Variants in ADAMTS2 observed in about 807,000 individuals in gnomAD.
ADAMTS2 encodes ADAM metallopeptidase with thrombospondin type 1 motif 2, also known as A disintegrin and metalloproteinase with thrombospondin motifs 2.
In ADAMTS2, 50 loss-of-function variants were observed where a neutral mutation model predicts 123.0. The observed-to-expected ratio is 0.41, with a 90% CI of 0.32 to 0.51. ADAMTS2 has a LOEUF of 0.51. Ranked by LOEUF, ADAMTS2 falls within the 20% of genes least tolerant of loss-of-function variation. ADAMTS2 has a pLI of 0.35. For missense variants in ADAMTS2, 1,494 were observed against 1,705.2 expected, an observed-to-expected ratio of 0.88 and a Z score of 2.18; for synonymous variants, 678 against 695.4, an observed-to-expected ratio of 0.98 and a Z score of 0.39.
chr5:179,120,390 A>G (rs1762730738), intron 21 of ADAMTS2: 1 of 152,266 alleles, frequency 6.6e-6, no homozygotes, highest in Admixed American at 6.5e-5. Flanking sequence ...CAAAGTGCAT[A>G]TGCCCAGGAC....
intron 3 of ADAMTS2, among the ~76,000 whole-genome samples, chr5:179,253,111 T>G (rs1420996680): frequency 6.6e-6 from 1 of 152,196 alleles, no homozygotes; most frequent in Non-Finnish European, 1.5e-5. Context: ...ATACTTTACT[T>G]TCCACTTTTT....
intron 2 of ADAMTS2, among the ~76,000 whole-genome samples, chr5:179,336,720 T>C (rs530902288): frequency 3.9e-5 from 6 of 152,274 alleles, no homozygotes; most frequent in South Asian, 4.2e-4. Context: ...CTGAAGTGCG[T>C]GCGGACAGAA....
intron 2 of ADAMTS2, among the ~76,000 whole-genome samples, chr5:179,311,085 C>T (rs896583499): frequency 7.1e-6 from 1 of 140,480 alleles, no homozygotes; most frequent in African/African-American, 2.6e-5. Flanking sequence ...CCTATCTCAA[C>T]AACAACAGGA....
intron 10 of ADAMTS2, among the ~76,000 whole-genome samples, chr5:179,148,290 C>A (rs1170107213): frequency 6.6e-6 from 1 of 152,176 alleles, no homozygotes; most frequent in Admixed American, 6.5e-5. Context: ...GATCCCTCTT[C>A]AGGACCAAGT....
At chr5:179,137,065 C>T (rs1270364195) in intron 12 of ADAMTS2, among the ~76,000 whole-genome samples, 1 of 152,224 alleles carries the variant, frequency 6.6e-6, no homozygotes, top group Non-Finnish European at 1.5e-5. Flanking sequence ...CTGGAACCTT[C>T]CCTTCTCAGC....
At position 179,130,009 on chromosome 5, in the gene ADAMTS2, C is replaced by T; in HGVS notation, c.2380G>A (p.Glu794Lys). 1 of 1,614,176 alleles carries T rather than the reference C, an allele frequency of 6.2e-7. No individual in the cohort carries two copies. Among genetic ancestry groups the T allele is most frequent in the Non-Finnish European group, 8.5e-7 (1 of 1,180,042 alleles). Residue 794 changes from glutamate to lysine, a missense_variant, in exon 16 of 22, where the codon GAG becomes AAG. Glu to Lys is a moderately conservative substitution (Grantham distance 56). This residue lies in a region of ADAMTS2 where 953 missense variants were observed against 1,124.7 expected (regional missense o/e 0.85). Transcript: ENST00000251582. The surrounding 1 kb of genome is among the most constrained non-coding windows in gnomAD (Gnocchi z 4.3). The part of the protein sequence containing the change: ...SSKTFIAMGV[E>K]WEYRDEDGRE... ...CCGTCCTCGTCTCTGTACTCCCACT[C>T]CACGCCCATGGCAATGAAGGTTTTG... is the stretch of plus-strand genomic sequence containing the variant.
At chr5:179,190,838 G>A (rs1342845489) in intron 4 of ADAMTS2, among the ~76,000 whole-genome samples, 1 of 152,254 alleles carries the variant, frequency 6.6e-6, no homozygotes, top group Non-Finnish European at 1.5e-5. Flanking sequence ...ACCCACCCTG[G>A]CTCTCCTCCT....
Position 179,326,574 on chromosome 5 carries a change from C to T in ADAMTS2, c.534+17193G>A, listed in dbSNP as rs539932698. ...CTGCACCTGGCTCCGTGTGTCCAAG[C>T]GCTTTCACACTGTGGTCCCTCCTAG... On this transcript the variant is annotated intron_variant, in intron 2 of 21. Transcript: ENST00000251582. Among the ~76,000 whole-genome samples, 5 of 150,232 alleles carry T rather than the reference C, an allele frequency of 3.3e-5. No individual in the cohort carries two copies. The South Asian group carries it at 1.1e-3, about 32-fold the overall frequency.
intron 3 of ADAMTS2, among the ~76,000 whole-genome samples, chr5:179,216,214 C>T (rs921936365): frequency 3.3e-5 from 5 of 152,282 alleles, no homozygotes; most frequent in African/African-American, 9.6e-5. Flanking sequence ...ATGTGGAGAG[C>T]GACTGAGCCA....
chr5:179,232,637 C>A (rs182082993), intron 3 of ADAMTS2, among the ~76,000 whole-genome samples: 31 of 152,300 alleles, frequency 2.0e-4, no homozygotes, highest in Non-Finnish European at 3.7e-4. Flanking sequence ...TCTGTAAAGT[C>A]GGGTGACAAT....
chr5:179,147,053 G>A (rs1763263041), intron 10 of ADAMTS2, among the ~76,000 whole-genome samples: 1 of 152,102 alleles, frequency 6.6e-6, no homozygotes, highest in African/African-American at 2.4e-5. Flanking sequence ...TCATCCATAT[G>A]TTGTGAGGCT....
rs757782934 is a variant in ADAMTS2 at position 179,296,135 on chromosome 5, CG to C, written c.535-23072del. 9.2e-4 allele frequency among the ~76,000 whole-genome samples: 138 copies of C among 150,502 alleles called. 4 individuals are homozygous for C. Among genetic ancestry groups the C allele is most frequent in the Admixed American group, 9.9e-4 (15 of 15,152 alleles). On this transcript the variant is annotated intron_variant, in intron 2 of 21. Coordinates refer to ENST00000251582, the MANE Select transcript of ADAMTS2 (RefSeq NM_014244.5). ...GCAGGAGGATGGGGGAGGCCTGAGC[CG>C]TGGGGACAGGAGAATGACCACAGGA... is the stretch of plus-strand genomic sequence containing the variant.
chr5:179,220,798 G>T (rs377689595), intron 3 of ADAMTS2, among the ~76,000 whole-genome samples: 9 of 152,300 alleles, frequency 5.9e-5, no homozygotes, highest in Admixed American at 4.6e-4. Context: ...TGGCCTTCAC[G>T]TCCTTTGATG....
chr5:179,120,995 G>A (rs1350229681), intron 21 of ADAMTS2: 15 of 152,224 alleles, frequency 9.9e-5, no homozygotes, highest in Admixed American at 9.8e-4. Flanking sequence ...ACGCGTGGGC[G>A]AGGCACGCGC....
At chr5:179,171,794 G>A (rs939823132) in intron 5 of ADAMTS2, among the ~76,000 whole-genome samples, 1 of 152,176 alleles carries the variant, frequency 6.6e-6, no homozygotes, top group African/African-American at 2.4e-5. Flanking sequence ...GGCCCAGAAT[G>A]CTGGAATGTT....
intron 2 of ADAMTS2, among the ~76,000 whole-genome samples, chr5:179,302,266 C>A (rs1370592152): frequency 6.6e-6 from 1 of 151,398 alleles, no homozygotes; most frequent in Non-Finnish European, 1.5e-5. Context: ...TGGAGACCAT[C>A]CTGGCTAACA....
At chr5:179,221,125 C>T (rs1215455269) in intron 3 of ADAMTS2, among the ~76,000 whole-genome samples, 1 of 152,128 alleles carries the variant, frequency 6.6e-6, no homozygotes, top group Non-Finnish European at 1.5e-5. Flanking sequence ...ACTGTGCCAC[C>T]AAGCTGCCTT....
chr5:179,296,028 A>G (rs1348619320), intron 2 of ADAMTS2, among the ~76,000 whole-genome samples: 2 of 152,182 alleles, frequency 1.3e-5, no homozygotes, highest in Non-Finnish European at 2.9e-5. Flanking sequence ...GCTCAGCCAC[A>G]CAGCACGTGC....
At chr5:179,284,862 C>T (rs563903413) in intron 2 of ADAMTS2, among the ~76,000 whole-genome samples, 17 of 152,318 alleles carry the variant, frequency 1.1e-4, no homozygotes, top group South Asian at 4.1e-4. Flanking sequence ...GACCTCCTTA[C>T]GTAAAATCAT....
Sources: gnomAD v4.1 joint callset for allele counts (sites outside exome capture counted in the v4.1 genomes callset) on GRCh38, gnomAD v4.1.1 for gene constraint, gnomAD v4.1.1 regional missense constraint, Gnocchi (gnomAD v3.1) non-coding constraint, MANE v1.5 for transcripts, NCBI Gene and HGNC (gene_info 2026-07-23, HGNC 2026-07-21) for gene names.